TENM3: variants seen among roughly 807,000 people sequenced by gnomAD.
The protein encoded by TENM3 is teneurin-3.
TENM3 carries 63 observed loss-of-function variants against 255.1 expected under a neutral mutation model. The ratio of observed to expected loss-of-function variants is 0.25; its 90% confidence interval spans 0.20 to 0.30. TENM3 has a LOEUF of 0.30. Among genes scored for constraint, TENM3 ranks in the 10% least tolerant of loss-of-function variants. TENM3 has a pLI of 1.00. For missense variants in TENM3, 2,929 were observed against 3,461.1 expected (o/e 0.85, Z 3.86); for synonymous variants, 1,306 against 1,322.3 (o/e 0.99, Z 0.27).
intron 3 of TENM3, among the ~76,000 whole-genome samples, chr4:182,360,096 T>C (rs954209476): frequency 6.6e-6 from 1 of 150,820 alleles, no homozygotes; most frequent in African/African-American, 2.4e-5. Context: ...TAGTTTGTTA[T>C]AATTTGTGTT....
the TENM3 span, among the ~76,000 whole-genome samples, chr4:181,896,412 G>C: frequency 6.6e-6 from 1 of 152,104 alleles, no homozygotes; most frequent in Non-Finnish European, 1.5e-5. Flanking sequence ...CCATACAAAG[G>C]ATTTTTAAAA....
intron 3 of TENM3, among the ~76,000 whole-genome samples, chr4:182,375,956 C>T (rs1767154444): frequency 6.6e-6 from 1 of 152,108 alleles, no homozygotes; most frequent in African/African-American, 2.4e-5. Context: ...TTGTGCACCC[C>T]TTATGATAGT....
the TENM3 span, among the ~76,000 whole-genome samples, chr4:181,787,014 T>C: frequency 2.6e-5 from 4 of 152,356 alleles, no homozygotes; most frequent in East Asian, 3.9e-4. Flanking sequence ...TGTGGCACTC[T>C]CTCATGTCCC....
chr4:181,858,813 G>A, the TENM3 span, among the ~76,000 whole-genome samples: 1 of 152,216 alleles, frequency 6.6e-6, no homozygotes, highest in African/African-American at 2.4e-5. Flanking sequence ...AGTGGGAAAT[G>A]AGGCAAGAAA....
chr4:181,967,374 G>T, the TENM3 span, among the ~76,000 whole-genome samples: 1 of 152,138 alleles, frequency 6.6e-6, no homozygotes, highest in East Asian at 1.9e-4. Context: ...GGGGCTTTGC[G>T]TTTTGTGTGT....
intron 3 of TENM3, among the ~76,000 whole-genome samples, chr4:182,488,764 A>G (rs1356063048): frequency 6.6e-6 from 1 of 152,144 alleles, no homozygotes; most frequent in East Asian, 1.9e-4. Context: ...TCTAGAATGA[A>G]GACTATATAA....
intron 1 of TENM3, among the ~76,000 whole-genome samples, chr4:182,278,388 A>C (rs1760149045): frequency 6.6e-6 from 1 of 152,090 alleles, no homozygotes; most frequent in Non-Finnish European, 1.5e-5. Flanking sequence ...AAAAAGAAAA[A>C]GAAAAAAAAG....
At chr4:182,263,383 AGAGGC>A (rs1758996492) in intron 1 of TENM3, among the ~76,000 whole-genome samples, 1 of 152,040 alleles carries the variant, frequency 6.6e-6, no homozygotes, top group Non-Finnish European at 1.5e-5. Flanking sequence ...ACCTTGGGTT[AGAGGC>A]CCAACTTAGG....
At position 182,731,694 on chromosome 4, in the gene TENM3, GGTGTGTGTGTGTGTGTGTGT is replaced by G. The variant is rs70956536; in HGVS notation, c.2967+580_2967+599del. Among the ~76,000 whole-genome samples, 7 of 124,760 alleles carry G rather than the reference GGTGTGTGTGTGTGTGTGTGT, an allele frequency of 5.6e-5. No homozygotes were observed. In the South Asian group the frequency reaches 7.5e-4, roughly 13 times the overall value. 81.8% of individuals were successfully genotyped at this position (124,760 alleles called of 152,430 possible). On this transcript the variant is annotated intron_variant, in intron 16 of 27. Transcript: ENST00000511685. ...AGAATGAATATATAGTGGGTGTTGGGGTGTGTGTGTGTGTGTGTGTGTGTGTGTGTGTGTGTGTGTGTGTC... is the reference window on the plus strand; with the variant it reads ...AGAATGAATATATAGTGGGTGTTGGGGTGTGTGTGTGTGTGTGTGTGTGTC...
intron 3 of TENM3, among the ~76,000 whole-genome samples, chr4:182,448,276 G>A (rs1000147200): frequency 1.3e-5 from 2 of 152,166 alleles, no homozygotes; most frequent in Non-Finnish European, 2.9e-5. Context: ...AGGCCCAGGG[G>A]CGAGCGCGGG....
chr4:182,585,139 C>A (rs1745888345), intron 3 of TENM3, among the ~76,000 whole-genome samples: 1 of 152,160 alleles, frequency 6.6e-6, no homozygotes, highest in South Asian at 2.1e-4. Flanking sequence ...AATAACACTT[C>A]ACAGTTTATA....
chr4:182,463,711 C>T (rs560168797), intron 3 of TENM3, among the ~76,000 whole-genome samples: 1 of 152,026 alleles, frequency 6.6e-6, no homozygotes, highest in South Asian at 2.1e-4. Context: ...GCAACCTCGG[C>T]CTCCTGGGTT....
At chr4:181,907,766 G>A in the TENM3 span, among the ~76,000 whole-genome samples, 1 of 152,100 alleles carries the variant, frequency 6.6e-6, no homozygotes, top group African/African-American at 2.4e-5. Flanking sequence ...AGAGCAAGCG[G>A]GATCTGAGCA....
At chr4:182,544,129 A>G (rs1013999030) in intron 3 of TENM3, among the ~76,000 whole-genome samples, 6 of 152,148 alleles carry the variant, frequency 3.9e-5, no homozygotes, top group African/African-American at 1.4e-4. Flanking sequence ...AAGTTTATAT[A>G]ACTAATAACA....
At chr4:181,869,649 A>C in the TENM3 span, among the ~76,000 whole-genome samples, 1 of 152,140 alleles carries the variant, frequency 6.6e-6, no homozygotes, top group African/African-American at 2.4e-5. Context: ...TAAAAATTTA[A>C]ATTTTTTGAA....
chr4:182,107,237 C>T, the TENM3 span, among the ~76,000 whole-genome samples: 1 of 151,636 alleles, frequency 6.6e-6, no homozygotes, highest in Admixed American at 6.6e-5. Context: ...GGACAAAAAC[C>T]CAGCATTCAT....
chr4:182,684,595 G>A (rs1756432914), intron 11 of TENM3, among the ~76,000 whole-genome samples: 1 of 152,174 alleles, frequency 6.6e-6, no homozygotes. Context: ...GAGCTAGTAT[G>A]TGAAAAGCAC....
intron 22 of TENM3, among the ~76,000 whole-genome samples, chr4:182,760,445 C>T (rs1370241695): frequency 6.6e-6 from 1 of 152,038 alleles, no homozygotes; most frequent in African/African-American, 2.4e-5. Context: ...AAATACAAAC[C>T]GTTTGGGCAT....
intron 3 of TENM3, among the ~76,000 whole-genome samples, chr4:182,436,879 G>A (rs1188712925): frequency 4.6e-5 from 7 of 152,070 alleles, no homozygotes; most frequent in Admixed American, 6.6e-5. Context: ...TTAGCCAGGC[G>A]TGGTGGTGGG....
Sources: allele counts gnomAD v4.1 joint callset (sites outside exome capture counted in the v4.1 genomes callset), GRCh38; gene constraint gnomAD v4.1.1; transcripts MANE v1.5; gene names NCBI Gene and HGNC (gene_info 2026-07-23, HGNC 2026-07-21).